FIGNL1: variants seen among roughly 807,000 people sequenced by gnomAD.
The protein encoded by FIGNL1 is fidgetin-like protein 1.
Under a neutral mutation model 28.9 loss-of-function variants are expected in FIGNL1, and 11 were observed. The observed-to-expected ratio is 0.38, with a 90% CI of 0.24 to 0.63. The LOEUF (loss-of-function observed/expected upper bound fraction) is 0.63, where lower values mean the gene tolerates loss of function less well. Among genes scored for constraint, FIGNL1 ranks in the 20% least tolerant of loss-of-function variants. FIGNL1 has a pLI of 0.57. For missense variants in FIGNL1, 789 were observed against 810.4 expected (o/e 0.97, Z 0.32); for synonymous variants, 295 against 276.5 (o/e 1.07, Z -0.66).
Position 50,446,324 on chromosome 7 carries a change from C to T in FIGNL1, c.964G>A (p.Gly322Ser), listed in dbSNP as rs1697261567. The change falls in exon 4 of 4, where the codon GGT becomes AGT. Residue 322 changes from glycine (G) to serine (S), a missense_variant. By Grantham distance (56) the Gly-to-Ser change is moderately conservative. Coordinates refer to ENST00000433017, the MANE Select transcript of FIGNL1 (RefSeq NM_001287492.4). ...GCTCCTAGAGACTTTTTTACACCAC[C>T]ATATGAAGACCCTGATGCACGCTGA... ...QPQRASGSSY[G>S]GVKKSLGASR... The T allele has an allele frequency of 6.2e-7, 1 of 1,614,032 alleles. No individual in the cohort carries two copies. The highest frequency in any genetic ancestry group is 1.7e-5 in the Admixed American group (1 of 60,002).
rs375386461 is a variant in FIGNL1, at chr7:50,446,434, C to A, written c.854G>T (p.Gly285Val). The A allele has an allele frequency of 9.9e-6, 16 of 1,614,098 alleles. No homozygotes were observed. The African/African-American group carries it at 2.0e-4, about 20-fold the overall frequency. The change falls in exon 4 of 4, where the codon GGC (glycine) becomes GTC (valine). Residue 285 changes from glycine to valine, a missense_variant. Gly to Val is a moderately radical substitution (Grantham distance 109). Coordinates refer to ENST00000433017, the MANE Select transcript of FIGNL1 (RefSeq NM_001287492.4). ...AGGCAGGCTGCTATCCTCCTTTGGG[C>A]CATTATCTTCTGTTTTACTACAAGC... ...NKACSKTEDN[G>V]PKEDSSLPTF...
chr7:50,447,023 A>C lies in FIGNL1; in HGVS notation c.265T>G (p.Leu89Val). The C allele has an allele frequency of 1.2e-6, 2 of 1,614,242 alleles. No individual in the cohort carries two copies. The highest frequency in any genetic ancestry group is 1.7e-6 in the Non-Finnish European group (2 of 1,180,048). ...CTATCTGTTTGTTGAGATCCTGCCA[A>C]AGTTAAAATGTTTTCTGCATAATTA... ...LNNYAENILT[L>V]AGSQQTDSDK... The change falls in exon 4 of 4, where the codon TTG (leucine) becomes GTG (valine). Residue 89 changes from leucine (L) to valine (V), a missense_variant. Transcript: ENST00000433017.
In FIGNL1 at chr7:50,444,347, T is replaced by C. The variant is rs1820247154; in HGVS notation, c.*916A>G. On this transcript the variant is annotated 3_prime_UTR_variant, in exon 4 of 4. Transcript: ENST00000433017. ...TCATAAAAGGACATTTATGTTAACA[T>C]GGAAAGTGAAGATACGCTTTGAAGA... 6.6e-6 allele frequency: 1 copy of C among 152,150 alleles called. No individual in the cohort carries two copies. The highest frequency in any genetic ancestry group is 1.5e-5 in the Non-Finnish European group (1 of 68,034). 9.4% of individuals were successfully genotyped at this position (152,150 alleles called of 1,614,324 possible). A position where few individuals can be genotyped will look rare whatever the true frequency, so the allele number is the denominator to read the frequency against.
At chr7:50,450,088 C>T (rs997711236) in intron 1 of FIGNL1, 1 of 152,364 alleles carries the variant, frequency 6.6e-6, no homozygotes, top group African/African-American at 2.4e-5. Flanking sequence ...GAGTCTGGTT[C>T]TGGGCTAGCG....
In FIGNL1 at chr7:50,445,051, T is replaced by G. The variant is rs1191273316; in HGVS notation, c.*212A>C. The G allele has an allele frequency of 1.2e-5, 4 of 346,942 alleles. No individual in the cohort carries two copies. The highest frequency in any genetic ancestry group is 4.6e-5 in the Admixed American group (1 of 21,668). 21.5% of individuals were successfully genotyped at this position (346,942 alleles called of 1,614,324 possible). ...TTAGAAACAAAAGTTCATTCTCACT[T>G]TGTTCAAATAGGCTTACGTATCAGG... On this transcript the variant is annotated 3_prime_UTR_variant, in exon 4 of 4. Coordinates refer to ENST00000433017, the MANE Select transcript of FIGNL1 (RefSeq NM_001287492.4).
chr7:50,445,435 C>A lies in FIGNL1; in HGVS notation c.1853G>T (p.Gly618Val). Residue 618 changes from glycine to valine, a missense_variant, in exon 4 of 4, where the codon GGT becomes GTT. Physicochemically the swap from Gly to Val is moderately radical, Grantham distance 109. Coordinates refer to ENST00000433017, the MANE Select transcript of FIGNL1 (RefSeq NM_001287492.4). ...AGCAGTTTGTAAACTGCGAATAGGA[C>A]CAAGAGAAGCCTCCCTGCAAAGCTG... is the stretch of plus-strand genomic sequence containing the variant. ...MTQLCREASL[G>V]PIRSLQTADI... 1.9e-6 allele frequency: 3 copies of A among 1,614,066 alleles called. No individual in the cohort carries two copies. The highest frequency in any genetic ancestry group is 2.5e-6 in the Non-Finnish European group (3 of 1,179,974).
In FIGNL1 at chr7:50,445,871, T is replaced by G. The variant is rs146521755; in HGVS notation, c.1417A>C (p.Lys473Gln). The change falls in exon 4 of 4, where the codon AAA becomes CAA. Residue 473 changes from lysine (K) to glutamine (Q), a missense_variant. Physicochemically the swap from Lys to Gln is moderately conservative, Grantham distance 53 (BLOSUM62 1). Coordinates refer to ENST00000433017, the MANE Select transcript of FIGNL1 (RefSeq NM_001287492.4). ...ATTTTCTCCCCCTCACCTACCCATT[T>G]AGAAGTTAAGGATGAAGCAGAGATG... Reference protein sequence around the residue: ...FSISASSLTSKWVGEGEKMVR... With the variant: ...FSISASSLTSQWVGEGEKMVR... The G allele has an allele frequency of 7.3e-4, 1,186 of 1,614,046 alleles. No homozygotes were observed. Among genetic ancestry groups the G allele is most frequent in the Non-Finnish European group, 9.3e-4 (1,103 of 1,180,044 alleles).
chr7:50,448,591 T>C (rs964986519), intron 2 of FIGNL1: 14 of 152,246 alleles, frequency 9.2e-5, no homozygotes, highest in Non-Finnish European at 1.9e-4. Flanking sequence ...ATATATAGAA[T>C]TTACTTACAT....
rs913508694 is a variant in FIGNL1 at position 50,445,775 on chromosome 7, A to G, written c.1513T>C (p.Leu505=). The G allele has an allele frequency of 2.5e-6, 4 of 1,614,130 alleles. No homozygotes were observed. Among genetic ancestry groups the G allele is most frequent in the Non-Finnish European group, 3.4e-6 (4 of 1,180,050 alleles). The change falls in exon 4 of 4, where the codon TTG becomes CTG. Residue 505 remains leucine (L), a synonymous_variant. Coordinates refer to ENST00000433017, the MANE Select transcript of FIGNL1 (RefSeq NM_001287492.4). ...TCACCATCTCCCCGTTGAGATAACA[A>G]GGAATCAATTTCGTCAATAAATATC... ...AVIFIDEIDS[L]LSQRGDGEHE...
Position 50,446,007 on chromosome 7 carries a change from A to G in FIGNL1, c.1281T>C (p.Phe427=), listed in dbSNP as rs1455580380. ...VVWPMLRPDI[F]TGLRGPPKGI... is the part of the protein sequence containing the mutation. ...CTTTAGGGGGTCCCCTTAAACCAGTAAAGATGTCTGGCCTCAACATGGGCC... is the reference window on the plus strand; with the variant it reads ...CTTTAGGGGGTCCCCTTAAACCAGTGAAGATGTCTGGCCTCAACATGGGCC... Residue 427 remains phenylalanine (F), a synonymous_variant, in exon 4 of 4, where the codon TTT becomes TTC. Transcript: ENST00000433017. 6.2e-7 allele frequency: 1 copy of G among 1,614,202 alleles called. No homozygotes were observed. The highest frequency in any genetic ancestry group is 1.1e-5 in the South Asian group (1 of 91,080).
intron 3 of FIGNL1, 169 bp from the exon 4 acceptor site, chr7:50,447,466 T>A: frequency 2.0e-6 from 1 of 509,490 alleles, no homozygotes; most frequent in Non-Finnish European, 3.4e-6. Flanking sequence ...AACTATAGAT[T>A]TCAAGTATTC....
At position 50,446,977 on chromosome 7, in the gene FIGNL1, A is replaced by C. The variant is rs1562962315; in HGVS notation, c.311T>G (p.Leu104Trp). 6 of 1,614,224 alleles carry C rather than the reference A, an allele frequency of 3.7e-6. No individual in the cohort carries two copies. Among genetic ancestry groups the C allele is most frequent in the Middle Eastern group, 3.3e-4 (2 of 6,062 alleles). The change falls in exon 4 of 4, where the codon TTG becomes TGG. Residue 104 changes from leucine (L) to tryptophan (W), a missense_variant. Transcript: ENST00000433017. ...QTDSDKWQSG[L>W]SINNVFKMSS... ...CATTTTGAAAACATTATTTATTGAC[A>C]ATCCAGACTGCCACTTGTCACTATC... is the stretch of plus-strand genomic sequence containing the variant.
intron 3 of FIGNL1, chr7:50,447,916 T>C (rs1156961765): frequency 2.0e-5 from 3 of 152,128 alleles, no homozygotes; most frequent in Admixed American, 6.5e-5. Context: ...TTTATATTTT[T>C]AGTAGAGATG....
rs143406898 is a variant in FIGNL1 at position 50,446,616 on chromosome 7, G to A, written c.672C>T (p.Val224=). 1.9e-4 allele frequency: 304 copies of A among 1,614,120 alleles called. 3 individuals are homozygous for A. In the African/African-American group the frequency reaches 3.5e-3, roughly 19 times the overall value. The stretch of plus-strand genomic sequence containing the variant: ...TTGCAGAGCTGTGATTTTCCTTTTT[G>A]ACATTTCCAAACAATGGTGTGACAT... ...KFHVTPLFGN[V]KKENHSSAKE... is the part of the protein sequence containing the mutation. Residue 224 remains valine, a synonymous_variant, in exon 4 of 4, where the codon GTC becomes GTT. Coordinates refer to ENST00000433017, the MANE Select transcript of FIGNL1 (RefSeq NM_001287492.4).
rs757961682 is a variant in FIGNL1 at position 50,446,810 on chromosome 7, T to C, written c.478A>G (p.Ser160Gly). The change falls in exon 4 of 4, where the codon AGT becomes GGT. Residue 160 changes from serine (S) to glycine (G), a missense_variant. Transcript: ENST00000433017. ...TGAGCTGAGTTAGGTAATGAGTCACTCTCTTGAGAACTACCACAAACACTA... is the reference window on the plus strand; with the variant it reads ...TGAGCTGAGTTAGGTAATGAGTCACCCTCTTGAGAACTACCACAAACACTA... ...KFSVCGSSQE[S>G]DSLPNSAHDR... 2 of 1,614,088 alleles carry C rather than the reference T, an allele frequency of 1.2e-6. No homozygotes were observed. Among genetic ancestry groups the C allele is most frequent in the Admixed American group, 1.7e-5 (1 of 60,024 alleles).
At position 50,447,293 on chromosome 7, in the gene FIGNL1, A is replaced by C; in HGVS notation, c.-6T>G. 6.4e-7 allele frequency: 1 copy of C among 1,559,128 alleles called. No homozygotes were observed. The highest frequency in any genetic ancestry group is 8.7e-7 in the Non-Finnish European group (1 of 1,149,360). On this transcript the variant is annotated 5_prime_UTR_variant, in exon 4 of 4. Transcript: ENST00000433017. ...CTAGAGCTGGAGGTCTGCATTTTAG[A>C]GGTTCTATAACAAACAATAAAAATG...
rs1388312960 is a variant in FIGNL1, at chr7:50,449,423, G to T, written c.-425C>A. 1 of 152,132 alleles carries T rather than the reference G, an allele frequency of 6.6e-6. No homozygotes were observed. Among genetic ancestry groups the T allele is most frequent in the African/African-American group, 2.4e-5 (1 of 41,420 alleles). 9.4% of individuals were successfully genotyped at this position (152,132 alleles called of 1,614,324 possible). A position where few individuals can be genotyped will look rare whatever the true frequency, so the allele number is the denominator to read the frequency against. On this transcript the variant is annotated 5_prime_UTR_variant, in exon 2 of 4. Coordinates refer to ENST00000433017, the MANE Select transcript of FIGNL1 (RefSeq NM_001287492.4). ...CCAATGTTCTGATTATTTTAATAAT[G>T]TCATTATCTGTCTTCCTAGACAGTT...
chr7:50,445,355 C>G lies in FIGNL1; in HGVS notation c.1933G>C (p.Glu645Gln). 1 of 1,614,054 alleles carries G rather than the reference C, an allele frequency of 6.2e-7. No individual in the cohort carries two copies. The highest frequency in any genetic ancestry group is 1.1e-5 in the South Asian group (1 of 91,050). Reference protein sequence around the residue: ...QVRPIAYIDFENAFRTVRPSV... With the variant: ...QVRPIAYIDFQNAFRTVRPSV... The stretch of plus-strand genomic sequence containing the variant: ...GGTCGCACAGTTCTAAAAGCATTTT[C>G]AAAATCAATGTAAGCTATGGGTCGA... Residue 645 changes from glutamate to glutamine, a missense_variant, in exon 4 of 4, where the codon GAA becomes CAA. By Grantham distance (29) the Glu-to-Gln change is conservative (BLOSUM62 2). Coordinates refer to ENST00000433017, the MANE Select transcript of FIGNL1 (RefSeq NM_001287492.4).
intron 3 of FIGNL1, among the ~76,000 whole-genome samples, chr7:50,447,668 C>A (rs906760117): frequency 5.9e-5 from 9 of 152,104 alleles, no homozygotes; most frequent in African/African-American, 2.2e-4. Flanking sequence ...AGGTTTAAGT[C>A]TGATCTATAA....
Sources: allele counts gnomAD v4.1 joint callset (sites outside exome capture counted in the v4.1 genomes callset), GRCh38; gene constraint gnomAD v4.1.1; transcripts MANE v1.5; gene names NCBI Gene and HGNC (gene_info 2026-07-23, HGNC 2026-07-21).